Variants in SUSD6 observed in about 807,000 individuals in gnomAD.
The protein encoded by SUSD6 is sushi domain containing 6.
A neutral mutation model predicts 28.4 loss-of-function variants in SUSD6; 16 were observed. That is an observed-to-expected ratio of 0.56 (90% CI 0.38 to 0.86). The LOEUF (loss-of-function observed/expected upper bound fraction) is 0.86, where lower values mean the gene tolerates loss of function less well. SUSD6 is among the 40% of genes least tolerant of loss of function. SUSD6 has a pLI of 0.00. For synonymous variants in SUSD6, 147 were observed against 159.6 expected (o/e 0.92, Z 0.59); for missense variants, 341 against 384.2 (o/e 0.89, Z 0.94).
chr14:69,697,064 T>C (rs1171568025), intron 2 of SUSD6, among the ~76,000 whole-genome samples: 1 of 152,176 alleles, frequency 6.6e-6, no homozygotes, highest in Admixed American at 6.6e-5. Flanking sequence ...GGGTGGGAAT[T>C]CCTGGAACTG....
At chr14:69,648,259 T>C (rs954313030) in intron 1 of SUSD6, among the ~76,000 whole-genome samples, 1 of 152,294 alleles carries the variant, frequency 6.6e-6, no homozygotes, top group African/African-American at 2.4e-5. Flanking sequence ...TCCGGAAAGC[T>C]TGGATAACTA....
chr14:69,641,558 A>G (rs1885353245), intron 1 of SUSD6, among the ~76,000 whole-genome samples: 1 of 151,826 alleles, frequency 6.6e-6, no homozygotes, highest in African/African-American at 2.4e-5. Flanking sequence ...AGGTATTGGT[A>G]TTCTTCCCTC....
At chr14:69,690,947 T>C (rs900068032) in intron 2 of SUSD6, among the ~76,000 whole-genome samples, 11 of 152,210 alleles carry the variant, frequency 7.2e-5, no homozygotes, top group South Asian at 2.1e-4. Context: ...TCTTTTGTAT[T>C]TGTAGTCCCT....
intron 2 of SUSD6, among the ~76,000 whole-genome samples, chr14:69,659,925 C>T (rs575957326): frequency 6.6e-6 from 1 of 152,322 alleles, no homozygotes; most frequent in South Asian, 2.1e-4. Flanking sequence ...CCTTAAAGGA[C>T]ATGTTTGGGT....
chr14:69,670,557 G>A (rs1885815534), intron 2 of SUSD6: 1 of 455,778 alleles, frequency 2.2e-6, no homozygotes, highest in Admixed American at 2.3e-5. Context: ...GTCAGGTGAA[G>A]AAGGCAGTGC....
chr14:69,668,649 G>T (rs1595048846), intron 2 of SUSD6, among the ~76,000 whole-genome samples: 1 of 132,840 alleles, frequency 7.5e-6, no homozygotes, highest in Non-Finnish European at 1.7e-5. Context: ...AAAAAAAAAA[G>T]AAAAGGAAAA....
rs1594724279 is a variant in SUSD6 at position 69,704,615 on chromosome 14, C to G, written c.331C>G (p.His111Asp). 1 of 1,613,092 alleles carries G rather than the reference C, an allele frequency of 6.2e-7. No homozygotes were observed. The highest frequency in any genetic ancestry group is 2.2e-5 in the East Asian group (1 of 44,880). ...SCRLNEDKDT[H>D]TSLGVPTLSI... ...GCTTGTTTTTATAGATAAAGACACC[C>G]ACACATCACTTGGGGTCCCCACGCT... Residue 111 changes from histidine to aspartate, a missense_variant, in exon 4 of 6, where the codon CAC becomes GAC. By Grantham distance (81) the His-to-Asp change is moderately conservative. Transcript: ENST00000342745.
intron 2 of SUSD6, among the ~76,000 whole-genome samples, chr14:69,685,699 G>A (rs934911697): frequency 2.0e-5 from 3 of 152,222 alleles, no homozygotes; most frequent in African/African-American, 7.2e-5. Context: ...AGGGCCAGGA[G>A]AGTAAAGGGT....
intron 2 of SUSD6, among the ~76,000 whole-genome samples, chr14:69,670,124 G>T (rs1289021224): frequency 6.6e-6 from 1 of 152,226 alleles, no homozygotes; most frequent in African/African-American, 2.4e-5. Context: ...AAGCAAGTAT[G>T]TGTTGACATA....
intron 1 of SUSD6, among the ~76,000 whole-genome samples, chr14:69,656,022 G>A (rs1885577121): frequency 6.6e-6 from 1 of 152,036 alleles, no homozygotes; most frequent in South Asian, 2.1e-4. Flanking sequence ...GCCTCTGCCA[G>A]GAGTAATGTG....
At chr14:69,690,079 C>T (rs1468903421) in intron 2 of SUSD6, among the ~76,000 whole-genome samples, 2 of 152,162 alleles carry the variant, frequency 1.3e-5, no homozygotes, top group Non-Finnish European at 2.9e-5. Context: ...AGTTATCTAC[C>T]AACATGCAGT....
chr14:69,714,168 T>C lies in SUSD6; in HGVS notation c.*3189T>C, dbSNP rs1886512364. The C allele has an allele frequency of 6.6e-6, 1 of 152,178 alleles. No homozygotes were observed. The highest frequency in any genetic ancestry group is 1.5e-5 in the Non-Finnish European group (1 of 68,032). The allele number at this position is 152,178 out of a possible 1,614,324, so 9.4% of individuals were successfully genotyped here. A position where few individuals can be genotyped will look rare whatever the true frequency, so the allele number is the denominator to read the frequency against. ...TTGCAAACAGATCTTAAGCTAATAT[T>C]TTCTTTCCCATTCATCTTGCCCTCC... On this transcript the variant is annotated 3_prime_UTR_variant, in exon 6 of 6. Coordinates refer to ENST00000342745, the MANE Select transcript of SUSD6 (RefSeq NM_014734.4).
rs1213261565 is a variant in SUSD6 at position 69,712,549 on chromosome 14, C to T, written c.*1570C>T. Reference sequence around the variant, plus strand: ...CTGCATGTCTGCTCCTCCCCTGAGCCTGTCTGCTTGGGGGTGGTAAAAATA... The same window carrying T: ...CTGCATGTCTGCTCCTCCCCTGAGCTTGTCTGCTTGGGGGTGGTAAAAATA... On this transcript the variant is annotated 3_prime_UTR_variant, in exon 6 of 6. Transcript: ENST00000342745. The T allele has an allele frequency of 3.9e-5, 6 of 152,196 alleles. No homozygotes were observed. Among genetic ancestry groups the T allele is most frequent in the South Asian group, 2.1e-4 (1 of 4,830 alleles). The allele number at this position is 152,196 out of a possible 1,614,324, so 9.4% of individuals were successfully genotyped here.
chr14:69,662,213 C>T (rs1027907791), intron 2 of SUSD6, among the ~76,000 whole-genome samples: 2 of 152,086 alleles, frequency 1.3e-5, no homozygotes, highest in African/African-American at 4.8e-5. Flanking sequence ...TGGCTATATG[C>T]GTGTGTACAG....
chr14:69,647,791 C>T (rs1049049486), intron 1 of SUSD6, among the ~76,000 whole-genome samples: 5 of 152,226 alleles, frequency 3.3e-5, no homozygotes, highest in African/African-American at 1.2e-4. Flanking sequence ...TTGAGACCAG[C>T]CTGGCCAACA....
intron 2 of SUSD6, among the ~76,000 whole-genome samples, chr14:69,701,207 C>T (rs945047838): frequency 1.2e-4 from 18 of 144,630 alleles, no homozygotes; most frequent in African/African-American, 4.5e-4. Context: ...GCAGTCCTCA[C>T]TTTTTTTTTT....
chr14:69,690,773 A>T (rs1566604842), intron 2 of SUSD6, among the ~76,000 whole-genome samples: 1 of 152,308 alleles, frequency 6.6e-6, no homozygotes, highest in East Asian at 1.9e-4. Context: ...ATGAAGGAGG[A>T]AGAATATCCA....
intron 4 of SUSD6, among the ~76,000 whole-genome samples, chr14:69,705,044 G>A (rs754230163): frequency 2.0e-5 from 3 of 152,138 alleles, no homozygotes; most frequent in African/African-American, 4.8e-5. Flanking sequence ...GGCTGCGCGC[G>A]GTGGCTCATG....
At chr14:69,686,030 T>G (rs947360605) in intron 2 of SUSD6, among the ~76,000 whole-genome samples, 1 of 152,214 alleles carries the variant, frequency 6.6e-6, no homozygotes, top group Non-Finnish European at 1.5e-5. Flanking sequence ...ACCTTGATTT[T>G]GTAAGGATGA....
Sources: allele counts gnomAD v4.1 joint callset (sites outside exome capture counted in the v4.1 genomes callset), GRCh38; gene constraint gnomAD v4.1.1; transcripts MANE v1.5; gene names NCBI Gene and HGNC (gene_info 2026-07-23, HGNC 2026-07-21).